The following NTN1 variants were observed in gnomAD, a reference collection of about 807,000 sequenced individuals.
NTN1 encodes netrin 1, also known as netrin-1.
In NTN1, 11 loss-of-function variants were observed where a neutral mutation model predicts 54.2. The ratio of observed to expected loss-of-function variants is 0.20; its 90% CI spans 0.13 to 0.34. NTN1 has a LOEUF of 0.34. Among genes scored for constraint, NTN1 ranks in the 10% least tolerant of loss-of-function variants. The pLI, the probability that NTN1 is intolerant of heterozygous loss-of-function variation, is 1.00. For missense variants in NTN1, 740 were observed against 893.1 expected (o/e 0.83, Z 2.18); for synonymous variants, 371 against 382.0 (o/e 0.97, Z 0.33).
intron 2 of NTN1, among the ~76,000 whole-genome samples, chr17:9,083,793 G>A (rs1486855961): frequency 6.6e-6 from 1 of 152,182 alleles, no homozygotes; most frequent in Non-Finnish European, 1.5e-5. Flanking sequence ...TCTACCTCCG[G>A]ACCTTCAGTT....
At chr17:9,064,774 CT>C (rs956111266) in intron 2 of NTN1, among the ~76,000 whole-genome samples, 1 of 151,412 alleles carries the variant, frequency 6.6e-6, no homozygotes, top group Non-Finnish European at 1.5e-5. Context: ...AGTGTGATCT[CT>C]TTTTTTTTGA....
At chr17:9,047,683 G>A (rs1285626261) in intron 2 of NTN1, among the ~76,000 whole-genome samples, 1 of 151,130 alleles carries the variant, frequency 6.6e-6, no homozygotes, top group East Asian at 1.9e-4. Flanking sequence ...CTCCTCTCAT[G>A]AATCACGAAT....
intron 2 of NTN1, among the ~76,000 whole-genome samples, chr17:9,106,224 G>A (rs1056817236): frequency 2.0e-5 from 3 of 152,184 alleles, no homozygotes; most frequent in Admixed American, 2.0e-4. Context: ...CTGCCTTGCG[G>A]GTGAGATGGA....
At chr17:9,184,562 C>T (rs187418030) in intron 5 of NTN1, among the ~76,000 whole-genome samples, 69 of 152,304 alleles carry the variant, frequency 4.5e-4, no homozygotes, top group Middle Eastern at 6.8e-3. Flanking sequence ...GATTTTAAGG[C>T]TGTGCACACC....
upstream of NTN1, chr17:9,021,459 C>CGCCCCGCCCGGCG (rs895861339): frequency 6.7e-6 from 1 of 150,334 alleles, no homozygotes; most frequent in East Asian, 2.0e-4. Flanking sequence ...TATTGGCCGG[C>CGCCCCGCCCGGCG]GCCCCGCCCG....
chr17:9,076,196 A>C (rs1271817391), intron 2 of NTN1, among the ~76,000 whole-genome samples: 1 of 152,092 alleles, frequency 6.6e-6, no homozygotes, highest in East Asian at 1.9e-4. Flanking sequence ...AACATGAGGG[A>C]GGCCCAATGT....
At chr17:9,149,168 G>T (rs1189584889) in intron 2 of NTN1, among the ~76,000 whole-genome samples, 1 of 152,098 alleles carries the variant, frequency 6.6e-6, no homozygotes, top group Admixed American at 6.5e-5. Context: ...TGGCCGGCTT[G>T]GCTGGCAAAT....
intron 2 of NTN1, among the ~76,000 whole-genome samples, chr17:9,050,668 C>CAAAAA (rs11302328): frequency 1.2e-4 from 7 of 58,630 alleles, no homozygotes; most frequent in South Asian, 7.0e-4. Context: ...GACTCCATCT[C>CAAAAA]AAAAAAAAAA....
chr17:9,106,442 A>G (rs1597489519), intron 2 of NTN1, among the ~76,000 whole-genome samples: 1 of 151,638 alleles, frequency 6.6e-6, no homozygotes, highest in East Asian at 1.9e-4. Context: ...CATCTGGCAA[A>G]ATGGCATTTC....
intron 2 of NTN1, among the ~76,000 whole-genome samples, chr17:9,060,008 G>T (rs1027597324): frequency 2.0e-5 from 3 of 152,120 alleles, no homozygotes; most frequent in Non-Finnish European, 4.4e-5. Flanking sequence ...CATACGGGGT[G>T]TATGTATGCA....
the NTN1 span, among the ~76,000 whole-genome samples, chr17:9,013,645 G>T: frequency 6.6e-6 from 1 of 152,170 alleles, no homozygotes; most frequent in African/African-American, 2.4e-5. Context: ...AGATTCTCCA[G>T]TTCATCCTCT....
intron 2 of NTN1, among the ~76,000 whole-genome samples, chr17:9,055,313 G>A (rs766168157): frequency 1.4e-4 from 21 of 152,228 alleles, no homozygotes; most frequent in Non-Finnish European, 2.9e-4. Context: ...GCTAACCGCT[G>A]CCTGCACCAC....
intron 3 of NTN1, among the ~76,000 whole-genome samples, chr17:9,172,190 G>A (rs1275496468): frequency 6.6e-6 from 1 of 152,040 alleles, no homozygotes; most frequent in African/African-American, 2.4e-5. Context: ...GCCTGGCCAG[G>A]CTAACCTTTT....
At chr17:9,188,658 C>T (rs778499443) in intron 5 of NTN1, among the ~76,000 whole-genome samples, 12 of 152,082 alleles carry the variant, frequency 7.9e-5, no homozygotes, top group Admixed American at 2.0e-4. Flanking sequence ...TGGCGGAAGT[C>T]GTCTGTCGTC....
intron 2 of NTN1, among the ~76,000 whole-genome samples, chr17:9,131,978 AT>A (rs35556647): frequency 0.17 from 22,742 of 133,628 alleles, 1,703 homozygotes; most frequent in South Asian, 0.23. Context: ...AATTTTTTGT[AT>A]TTTTTTTTTT....
the NTN1 span, among the ~76,000 whole-genome samples, chr17:9,005,734 G>A: frequency 6.6e-6 from 1 of 152,186 alleles, no homozygotes; most frequent in East Asian, 1.9e-4. Flanking sequence ...CTATTTCTAG[G>A]AGATGCTCCA....
In NTN1 at chr17:9,221,148, C is replaced by CT; in HGVS notation, c.1412-20_1412-19insT. On this transcript the variant is annotated intron_variant, in intron 5 of 6. Coordinates refer to ENST00000173229, the MANE Select transcript of NTN1 (RefSeq NM_004822.3). This position sits in a 1 kb window ranked among gnomAD's most constrained non-coding sequence, Gnocchi z 4.5. ...AGCCTAATTAGTTTTTGTCTGTGCT[C>CT]CCCCCCCACCCCCCTGCAGACTGCG... is the stretch of plus-strand genomic sequence containing the variant. 5.0e-6 allele frequency: 6 copies of CT among 1,204,844 alleles called. No homozygotes were observed. The Admixed American group carries it at 8.0e-5, about 16-fold the overall frequency. 74.6% of individuals were successfully genotyped at this position (1,204,844 alleles called of 1,614,324 possible). A position where few individuals can be genotyped will look rare whatever the true frequency, so the allele number is the denominator to read the frequency against.
intron 1 of NTN1, 57 bp from the exon 2 acceptor site, chr17:9,022,254 C>A: frequency 8.8e-7 from 1 of 1,137,362 alleles, no homozygotes; most frequent in Non-Finnish European, 1.1e-6. Flanking sequence ...CGCCACCCCG[C>A]CGAGAGCTGG....
At chr17:9,057,228 A>T (rs1184461916) in intron 2 of NTN1, among the ~76,000 whole-genome samples, 1 of 148,046 alleles carries the variant, frequency 6.8e-6, no homozygotes, top group African/African-American at 2.5e-5. Flanking sequence ...GTCCCCAGGG[A>T]CACAGTTTCT....
Sources: allele counts gnomAD v4.1 joint callset (sites outside exome capture counted in the v4.1 genomes callset), GRCh38; gene constraint gnomAD v4.1.1; non-coding constraint Gnocchi (gnomAD v3.1); transcripts MANE v1.5; gene names NCBI Gene and HGNC (gene_info 2026-07-23, HGNC 2026-07-21).